The following EMSY variants were observed in gnomAD, a reference collection of about 807,000 sequenced individuals.
EMSY encodes BRCA2-interacting transcriptional repressor EMSY.
A neutral mutation model predicts 134.6 loss-of-function variants in EMSY; 26 were observed. The observed-to-expected ratio is 0.19, with a 90% CI of 0.14 to 0.27. The LOEUF (loss-of-function observed/expected upper bound fraction) is 0.27, where lower values mean the gene tolerates loss of function less well. Ranked by LOEUF, EMSY falls within the 10% of genes least tolerant of loss-of-function variation. The probability of loss-of-function intolerance (pLI) is 1.00; values close to 1 mark genes in which losing one functional copy is unlikely to be tolerated. For synonymous variants in EMSY, 579 were observed against 577.8 expected (o/e 1.00, Z -0.03); for missense variants, 1,305 against 1,611.4 (o/e 0.81, Z 3.26).
At chr11:76,486,813 G>T (rs1338092096) in intron 8 of EMSY, among the ~76,000 whole-genome samples, 1 of 152,212 alleles carries the variant, frequency 6.6e-6, no homozygotes, top group African/African-American at 2.4e-5. Flanking sequence ...GGTCATAATA[G>T]TGATGATGAA....
chr11:76,540,920 A>G (rs1244185795), intron 17 of EMSY, among the ~76,000 whole-genome samples: 1 of 152,150 alleles, frequency 6.6e-6, no homozygotes, highest in Non-Finnish European at 1.5e-5. Context: ...AGCTCTGTGG[A>G]CTGTGTAAAA....
Position 76,536,071 on chromosome 11 carries a change from C to A in EMSY, c.2359+12C>A. ...CCAACAGACAACAGGTATGAATTCA[C>A]ATGCTCAATTGAATGAAGCATGTTT... is the stretch of plus-strand genomic sequence containing the variant. On this transcript the variant is annotated intron_variant, in intron 15 of 20. Coordinates refer to ENST00000334736, the Ensembl canonical transcript of EMSY. 6.6e-7 allele frequency: 1 copy of A among 1,504,842 alleles called. No homozygotes were observed. The highest frequency in any genetic ancestry group is 8.9e-7 in the Non-Finnish European group (1 of 1,120,734). 93.2% of individuals were successfully genotyped at this position (1,504,842 alleles called of 1,614,324 possible). A position where few individuals can be genotyped will look rare whatever the true frequency, so the allele number is the denominator to read the frequency against.
chr11:76,454,820 C>A, intron 4 of EMSY, 30 bp downstream of exon 5: 2 of 1,393,366 alleles, frequency 1.4e-6, no homozygotes, highest in Non-Finnish European at 1.9e-6. Context: ...TTATTTCAGG[C>A]TTTTTCTTGT....
At chr11:76,447,916 G>T (rs1332531561) in intron 2 of EMSY, among the ~76,000 whole-genome samples, 17 of 152,080 alleles carry the variant, frequency 1.1e-4, no homozygotes, top group Non-Finnish European at 1.0e-4. Flanking sequence ...AAATGTTTTG[G>T]CAGTGGATAT....
chr11:76,489,293 T>C (rs1228393623), intron 8 of EMSY, among the ~76,000 whole-genome samples: 13 of 151,804 alleles, frequency 8.6e-5, no homozygotes, highest in Admixed American at 8.5e-4. Context: ...GTTGATGGAC[T>C]TGATCAGATT....
chr11:76,458,364 T>C lies in EMSY; in HGVS notation c.421+6T>C. 6.3e-7 allele frequency: 1 copy of C among 1,592,880 alleles called. No homozygotes were observed. The highest frequency in any genetic ancestry group is 8.6e-7 in the Non-Finnish European group (1 of 1,169,436). ...AGAAACAGGAAGCAAGGAAGGTGAG[T>C]AGAAAAATATGCCTGTGTTAGAGAT... On this transcript the variant is annotated splice_donor_region_variant and intron_variant, in intron 5 of 20. Coordinates refer to ENST00000334736, the Ensembl canonical transcript of EMSY.
chr11:76,463,564 G>A (rs1029555237), intron 6 of EMSY, among the ~76,000 whole-genome samples: 13 of 151,372 alleles, frequency 8.6e-5, no homozygotes, highest in Non-Finnish European at 1.0e-4. Context: ...CGGAGCTTGC[G>A]GTGAGCCGAG....
At chr11:76,503,951 A>ATTTTT (rs1264721522) in intron 9 of EMSY, among the ~76,000 whole-genome samples, 1 of 141,564 alleles carries the variant, frequency 7.1e-6, no homozygotes. Context: ...CGCCCGGCTA[A>ATTTTT]TTTTTTTTTT....
At chr11:76,525,594 TAGTTA>T (rs1436776012) in intron 12 of EMSY, among the ~76,000 whole-genome samples, 3 of 152,200 alleles carry the variant, frequency 2.0e-5, no homozygotes, top group African/African-American at 7.2e-5. Context: ...GAACTTAATT[TAGTTA>T]AGTTCATGTA....
chr11:76,467,093 ACTT>A (rs1034131102), intron 7 of EMSY, among the ~76,000 whole-genome samples: 3 of 152,156 alleles, frequency 2.0e-5, no homozygotes, highest in African/African-American at 7.2e-5. Context: ...ATTTTTGATG[ACTT>A]CTTAAGTTTT....
chr11:76,498,524 A>G (rs1161156157), intron 9 of EMSY, among the ~76,000 whole-genome samples: 1 of 152,224 alleles, frequency 6.6e-6, no homozygotes, highest in African/African-American at 2.4e-5. Flanking sequence ...TTTGATGCAT[A>G]CATATTTAGA....
At chr11:76,523,051 G>T in intron 11 of EMSY, 104 bp from the exon 13 acceptor site, 1 of 1,130,966 alleles carries the variant, frequency 8.8e-7, no homozygotes, top group Non-Finnish European at 1.2e-6. Flanking sequence ...ATGTCATCTA[G>T]GAATGACATT....
Position 76,491,170 on chromosome 11 carries a change from CT to C in EMSY, c.1109-5039del, listed in dbSNP as rs961186067. ...ACCTCAGCTCAGCTGATTTCTTCTT[CT>C]TTTTTCTTTTTTTTTTTTTTTTTTA... On this transcript the variant is annotated intron_variant, in intron 8 of 20. Transcript: ENST00000334736. 8.9e-5 allele frequency among the ~76,000 whole-genome samples: 12 copies of C among 135,064 alleles called. No homozygotes were observed. In the Admixed American group the frequency reaches 9.3e-4, roughly 10 times the overall value. 88.6% of individuals were successfully genotyped at this position (135,064 alleles called of 152,430 possible). A position where few individuals can be genotyped will look rare whatever the true frequency, so the allele number is the denominator to read the frequency against.
chr11:76,469,635 A>C (rs1948495810), intron 7 of EMSY, among the ~76,000 whole-genome samples: 1 of 152,220 alleles, frequency 6.6e-6, no homozygotes, highest in African/African-American at 2.4e-5. Context: ...TGTGCCTAGC[A>C]CTATGTCAGA....
At chr11:76,525,217 C>G (rs1476861570) in intron 12 of EMSY, among the ~76,000 whole-genome samples, 1 of 152,192 alleles carries the variant, frequency 6.6e-6, no homozygotes, top group East Asian at 1.9e-4. Flanking sequence ...AAACTAGTGG[C>G]TCTTGGCAAA....
In EMSY at chr11:76,463,939, G is replaced by T. The variant is rs150395336; in HGVS notation, c.690G>T (p.Thr230=). ...AGGCCGTTGTTCCAGTCTCAAAGAC[G>T]ATCACTGTGCCTGTGAGTGGTAGTC... The change falls in exon 7 of 21, where the codon ACG becomes ACT. Residue 230 remains threonine (T), a synonymous_variant. Transcript: ENST00000334736. The T allele has an allele frequency of 7.4e-6, 12 of 1,614,192 alleles. 1 individual carries two copies. In the South Asian group the frequency reaches 1.3e-4, roughly 18 times the overall value.
In EMSY at chr11:76,446,898, A is replaced by G; in HGVS notation, c.-39-2A>G. ...TTTGACTTTTTTTTTTTGTTCTGGTAGGGAGGACAAGCTCTTTGGGGCTAC... is the reference window on the plus strand; with the variant it reads ...TTTGACTTTTTTTTTTTGTTCTGGTGGGGAGGACAAGCTCTTTGGGGCTAC... On this transcript the variant is annotated splice_acceptor_variant, in intron 1 of 20. Transcript: ENST00000334736. LOFTEE classifies it low-confidence loss of function (5UTR_SPLICE). 1 of 1,583,836 alleles carries G rather than the reference A, an allele frequency of 6.3e-7. No individual in the cohort carries two copies. Among genetic ancestry groups the G allele is most frequent in the Non-Finnish European group, 8.6e-7 (1 of 1,162,588 alleles).
Position 76,464,002 on chromosome 11 carries a change from C to A in EMSY, c.753C>A (p.Ser251=), listed in dbSNP as rs1286037394. Reference sequence around the variant, plus strand: ...ACATCATGCAGAGCATTGCCAACTCCTTACCACCCCACATGTCTCCTGTAA... The same window carrying A: ...ACATCATGCAGAGCATTGCCAACTCATTACCACCCCACATGTCTCCTGTAA... Residue 251 remains serine, a synonymous_variant, in exon 7 of 21, where the codon TCC becomes TCA. Transcript: ENST00000334736. 4.3e-6 allele frequency: 7 copies of A among 1,614,076 alleles called. No individual in the cohort carries two copies. In the Admixed American group the frequency reaches 5.0e-5, roughly 12 times the overall value.
intron 2 of EMSY, among the ~76,000 whole-genome samples, chr11:76,450,019 A>G (rs1947588102): frequency 6.6e-6 from 1 of 151,252 alleles, no homozygotes; most frequent in South Asian, 2.1e-4. Flanking sequence ...ATAATATGAA[A>G]CTATCTGTTC....
Sources: gnomAD v4.1 joint callset for allele counts (sites outside exome capture counted in the v4.1 genomes callset) on GRCh38, gnomAD v4.1.1 for gene constraint, MANE v1.5 for transcripts, NCBI Gene and HGNC (gene_info 2026-07-23, HGNC 2026-07-21) for gene names.